Variants in CYRIB observed in about 807,000 individuals in gnomAD.
The protein encoded by CYRIB is CYFIP related Rac1 interactor B.
In CYRIB, 8 loss-of-function variants were observed where a neutral mutation model predicts 44.2. That is an observed-to-expected ratio of 0.18 (90% CI 0.11 to 0.33). CYRIB has a LOEUF of 0.33. Ranked by LOEUF, CYRIB falls within the 10% of genes least tolerant of loss-of-function variation. The pLI, the probability that CYRIB is intolerant of heterozygous loss-of-function variation, is 1.00. For synonymous variants in CYRIB, 131 were observed against 127.2 expected, an observed-to-expected ratio of 1.03 and a Z score of -0.20; for missense variants, 185 against 382.8, an observed-to-expected ratio of 0.48 and a Z score of 4.31.
At chr8:129,931,990 G>A (rs2091583934) in intron 1 of CYRIB, among the ~76,000 whole-genome samples, 1 of 148,560 alleles carries the variant, frequency 6.7e-6, no homozygotes, top group Non-Finnish European at 1.5e-5. Context: ...TTCTTCATAA[G>A]TATCTTCTTT....
intron 1 of CYRIB, among the ~76,000 whole-genome samples, chr8:129,977,293 C>G (rs536807814): frequency 6.6e-6 from 1 of 152,122 alleles, no homozygotes; most frequent in Non-Finnish European, 1.5e-5. Context: ...GATTCACACT[C>G]GTTCACAGTA....
rs1361921025 is a variant in CYRIB at position 129,893,852 on chromosome 8, T to C, written c.-11+9460A>G. Among the ~76,000 whole-genome samples, 9 of 151,962 alleles carry C rather than the reference T, an allele frequency of 5.9e-5. No homozygotes were observed. The East Asian group carries it at 1.7e-3, about 29-fold the overall frequency. Reference sequence around the variant, plus strand: ...TAGGCCTTTTTTTTTTTTTCCAGCATGGTTTCCTTGCCAAACATATTTTAA... The same window carrying C: ...TAGGCCTTTTTTTTTTTTTCCAGCACGGTTTCCTTGCCAAACATATTTTAA... On this transcript the variant is annotated intron_variant, in intron 2 of 11. Coordinates refer to ENST00000519824, the Ensembl canonical transcript of CYRIB.
chr8:129,987,700 G>A (rs1277772067), intron 1 of CYRIB, among the ~76,000 whole-genome samples: 1 of 151,756 alleles, frequency 6.6e-6, no homozygotes, highest in Non-Finnish European at 1.5e-5. Flanking sequence ...CTCCTAAGTA[G>A]CTGGGATTCC....
rs1399460909 is a variant in CYRIB at position 129,863,496 on chromosome 8, G to C, written c.196-1162C>G. 2.0e-5 allele frequency among the ~76,000 whole-genome samples: 3 copies of C among 151,010 alleles called. No homozygotes were observed. The East Asian group carries it at 5.8e-4, about 29-fold the overall frequency. ...GCCGAGATCATGCCATTGCCCTCTAGCCTGGGTGATAGAGCGAGACTCTGT... is the reference window on the plus strand; with the variant it reads ...GCCGAGATCATGCCATTGCCCTCTACCCTGGGTGATAGAGCGAGACTCTGT... On this transcript the variant is annotated intron_variant, in intron 4 of 11. Coordinates refer to ENST00000519824, the Ensembl canonical transcript of CYRIB.
chr8:129,997,196 G>A (rs527462324), intron 1 of CYRIB, among the ~76,000 whole-genome samples: 1 of 152,050 alleles, frequency 6.6e-6, no homozygotes, highest in African/African-American at 2.4e-5. Context: ...CACTTAAGCT[G>A]ACCCAGGGAA....
At chr8:129,878,526 T>C (rs1441042763) in intron 3 of CYRIB, among the ~76,000 whole-genome samples, 1 of 152,168 alleles carries the variant, frequency 6.6e-6, no homozygotes, top group Non-Finnish European at 1.5e-5. Context: ...GATCACATGA[T>C]TAAAAACCTA....
Position 129,920,095 on chromosome 8 carries a change from A to G in CYRIB, c.-49-16745T>C, listed in dbSNP as rs562474238. 2.1e-5 allele frequency among the ~76,000 whole-genome samples: 3 copies of G among 144,056 alleles called. No homozygotes were observed. The South Asian group carries it at 6.6e-4, about 32-fold the overall frequency. The allele number at this position is 144,056 out of a possible 152,430, so 94.5% of individuals were successfully genotyped here. A position where few individuals can be genotyped will look rare whatever the true frequency, so the allele number is the denominator to read the frequency against. ...ACCAAATCAGGGGAAAACACTTTCA[A>G]AAAAAAAAAAAAAAGTACTATTCTA... is the stretch of plus-strand genomic sequence containing the variant. On this transcript the variant is annotated intron_variant, in intron 1 of 11. Coordinates refer to ENST00000519824, the Ensembl canonical transcript of CYRIB.
intron 2 of CYRIB, among the ~76,000 whole-genome samples, chr8:129,892,822 C>T (rs1443886215): frequency 2.0e-5 from 3 of 152,150 alleles, no homozygotes; most frequent in Non-Finnish European, 4.4e-5. Flanking sequence ...AACTATAATG[C>T]TATCGGCAAA....
intron 11 of CYRIB, 54 bp downstream of exon 13, chr8:129,846,750 G>A (rs767890017): frequency 3.2e-5 from 39 of 1,222,182 alleles, no homozygotes; most frequent in Non-Finnish European, 4.1e-5. Context: ...CATAAACATC[G>A]ACCATTTTCC....
chr8:129,904,985 GT>G (rs2074469137), intron 1 of CYRIB, among the ~76,000 whole-genome samples: 1 of 152,080 alleles, frequency 6.6e-6, no homozygotes, highest in Non-Finnish European at 1.5e-5. Context: ...AAAAATACAG[GT>G]GATACAGAGC....
chr8:129,974,390 A>C (rs1299227477), intron 1 of CYRIB, among the ~76,000 whole-genome samples: 3 of 152,154 alleles, frequency 2.0e-5, no homozygotes, highest in Admixed American at 2.0e-4. Context: ...AATGTTTGCA[A>C]GTCGAATGGA....
rs959236887 is a variant in CYRIB at position 129,987,934 on chromosome 8, C to T, written c.-295-16939G>A. On this transcript the variant is annotated intron_variant, in intron 1 of 14. Transcript: ENST00000401979. ...ACGGCCTACAGACTGGGACGCAAGT[C>T]CCTTTAATACACCTTACAAAGCCAC... Among the ~76,000 whole-genome samples, 25 of 152,300 alleles carry T rather than the reference C, an allele frequency of 1.6e-4. 1 individual carries two copies. The highest frequency in any genetic ancestry group is 1.6e-3 in the Admixed American group (25 of 15,302).
intron 4 of CYRIB, chr8:129,868,840 C>T (rs573179896): frequency 6.7e-6 from 1 of 150,246 alleles, no homozygotes; most frequent in Admixed American, 6.6e-5. Context: ...TTGTAGAAAG[C>T]CTTCCCACAC....
In CYRIB at chr8:129,854,251, A is replaced by G; in HGVS notation, c.516+15T>C. 1 of 1,583,576 alleles carries G rather than the reference A, an allele frequency of 6.3e-7. No individual in the cohort carries two copies. Among genetic ancestry groups the G allele is most frequent in the East Asian group, 2.2e-5 (1 of 44,460 alleles). ...GTTACTCTTACCATCCCCCTAATTC[A>G]AAGCATTAACTTACCGGTACATTGT... On this transcript the variant is annotated intron_variant, in intron 7 of 11. Coordinates refer to ENST00000519824, the Ensembl canonical transcript of CYRIB.
At chr8:129,873,637 T>C (rs1456931386) in intron 3 of CYRIB, among the ~76,000 whole-genome samples, 1 of 152,052 alleles carries the variant, frequency 6.6e-6, no homozygotes, top group African/African-American at 2.4e-5. Flanking sequence ...TTAGCTATTA[T>C]ATATCAAAGG....
At chr8:130,014,304 C>T (rs1487052122) in intron 1 of CYRIB, among the ~76,000 whole-genome samples, 2 of 152,186 alleles carry the variant, frequency 1.3e-5, no homozygotes, top group Non-Finnish European at 2.9e-5. Flanking sequence ...GTGGTGCACA[C>T]CCGTGGTCCC....
intron 1 of CYRIB, among the ~76,000 whole-genome samples, chr8:129,939,220 G>T (rs371921731): frequency 2.0e-5 from 3 of 152,090 alleles, no homozygotes; most frequent in Admixed American, 6.5e-5. Flanking sequence ...CGAAGAGGAA[G>T]GAGTGGTGGG....
At chr8:129,976,272 C>T (rs10956506) in intron 1 of CYRIB, among the ~76,000 whole-genome samples, 38,273 of 151,886 alleles carry the variant, frequency 0.25, 5,057 homozygotes, top group East Asian at 0.39. Context: ...TTTCTAACAA[C>T]GCTTTATTGC....
chr8:129,939,434 A>G (rs2093411761), intron 1 of CYRIB, among the ~76,000 whole-genome samples: 1 of 151,426 alleles, frequency 6.6e-6, no homozygotes, highest in Non-Finnish European at 1.5e-5. Context: ...GCCACAGAGG[A>G]AGCGGGCCCG....
Sources: gnomAD v4.1 joint callset for allele counts (sites outside exome capture counted in the v4.1 genomes callset) on GRCh38, gnomAD v4.1.1 for gene constraint, MANE v1.5 for transcripts, NCBI Gene and HGNC (gene_info 2026-07-23, HGNC 2026-07-21) for gene names.